The following MAGI3 variants were observed in gnomAD, a reference collection of about 807,000 sequenced individuals.
MAGI3 encodes membrane associated guanylate kinase, WW and PDZ domain containing 3, also known as membrane-associated guanylate kinase, WW and PDZ domain-containing protein 3.
MAGI3 carries 43 observed loss-of-function variants against 121.8 expected under a neutral mutation model. That is an observed-to-expected ratio of 0.35 (90% confidence interval 0.28 to 0.46). MAGI3 has a LOEUF of 0.46. MAGI3 is among the 20% of genes least tolerant of loss of function. The pLI, the probability that MAGI3 is intolerant of heterozygous loss-of-function variation, is 1.00. For synonymous variants in MAGI3, 553 were observed against 639.3 expected (o/e 0.86, Z 2.04); for missense variants, 1,547 against 1,797.3 (o/e 0.86, Z 2.52).
intron 16 of MAGI3, among the ~76,000 whole-genome samples, chr1:113,660,826 ACTC>A (rs1653752059): frequency 6.9e-6 from 1 of 145,922 alleles, no homozygotes; most frequent in South Asian, 2.2e-4. Context: ...CTGGTCTCGA[ACTC>A]CTGGGCTCAA....
intron 2 of MAGI3, among the ~76,000 whole-genome samples, chr1:113,560,035 A>G (rs1660158115): frequency 6.6e-6 from 1 of 152,198 alleles, no homozygotes; most frequent in Non-Finnish European, 1.5e-5. Flanking sequence ...CCCGATAGTT[A>G]TCTACAGAAC....
intron 1 of MAGI3, among the ~76,000 whole-genome samples, chr1:113,493,465 G>A (rs953268332): frequency 2.6e-5 from 4 of 152,134 alleles, no homozygotes; most frequent in African/African-American, 9.7e-5. Context: ...GGGCATAGGA[G>A]TGGGCAAATT....
chr1:113,618,206 A>G (rs899207894), intron 7 of MAGI3, among the ~76,000 whole-genome samples: 57 of 152,152 alleles, frequency 3.7e-4, no homozygotes, highest in African/African-American at 1.2e-3. Context: ...GCATGGTGGC[A>G]CACACCTGTG....
At position 113,571,763 on chromosome 1, in the gene MAGI3, A is replaced by T. The variant is rs780098342; in HGVS notation, c.434-8779A>T. 2.0e-5 allele frequency among the ~76,000 whole-genome samples: 3 copies of T among 152,320 alleles called. No homozygotes were observed. In the East Asian group the frequency reaches 5.8e-4, roughly 29 times the overall value. ...ATTTTTGTATCCTGAGACTTTCCTG[A>T]AGTTGCTTATCAGCTTAAGGAGTTT... On this transcript the variant is annotated intron_variant, in intron 2 of 20. Transcript: ENST00000307546.
In MAGI3 at chr1:113,682,905, G is replaced by A. The variant is rs764723747; in HGVS notation, c.3337G>A (p.Asp1113Asn). Residue 1113 changes from aspartate (D) to asparagine (N), a missense_variant, in exon 21 of 21, where the codon GAT becomes AAT. By Grantham distance (23) the Asp-to-Asn change is conservative. Transcript: ENST00000307546. ...TGLIPDHGDW[D>N]INNPSSSNVI... ...TCAAATCACTTTTTTAGGTGATTGG[G>A]ATATTAATAATCCTTCGTCTTCAAA... is the stretch of plus-strand genomic sequence containing the variant. 2 of 1,573,278 alleles carry A rather than the reference G, an allele frequency of 1.3e-6. No individual in the cohort carries two copies. Among genetic ancestry groups the A allele is most frequent in the South Asian group, 2.4e-5 (2 of 84,046 alleles).
rs570713137 is a variant in MAGI3 at position 113,631,712 on chromosome 1, G to A, written c.1360+8718G>A. Among the ~76,000 whole-genome samples the A allele has an allele frequency of 8.6e-5, 13 of 151,950 alleles. No individual in the cohort carries two copies. The South Asian group carries it at 1.0e-3, about 12-fold the overall frequency. Reference sequence around the variant, plus strand: ...TGGTATCAAATTATTAAATCTTGCCGTTTTTCCCAAGTTTGTTTGCTTCCT... The same window carrying A: ...TGGTATCAAATTATTAAATCTTGCCATTTTTCCCAAGTTTGTTTGCTTCCT... On this transcript the variant is annotated intron_variant, in intron 9 of 20. Transcript: ENST00000307546.
chr1:113,659,037 A>T (rs1419942868), intron 15 of MAGI3, 43 bp from the exon 16 acceptor site: 1 of 1,463,716 alleles, frequency 6.8e-7, no homozygotes, highest in Non-Finnish European at 9.3e-7. Context: ...ACACTAGCAG[A>T]AATCTTAAAT....
chr1:113,424,643 A>G (rs1374090249), intron 1 of MAGI3, among the ~76,000 whole-genome samples: 1 of 152,196 alleles, frequency 6.6e-6, no homozygotes, highest in Non-Finnish European at 1.5e-5. Flanking sequence ...CCAATTTTTC[A>G]TTACTGAGTA....
intron 16 of MAGI3, 41 bp downstream of exon 16, chr1:113,659,306 G>A: frequency 3.8e-6 from 6 of 1,599,890 alleles, no homozygotes; most frequent in Non-Finnish European, 5.1e-6. Flanking sequence ...GCTGATCTGA[G>A]AGGCACAAAG....
At chr1:113,423,711 C>T (rs577518914) in intron 1 of MAGI3, among the ~76,000 whole-genome samples, 6 of 152,304 alleles carry the variant, frequency 3.9e-5, no homozygotes, top group Admixed American at 2.0e-4. Context: ...TCTCAGACTC[C>T]ACCCGGTACT....
chr1:113,673,219 TGA>T, intron 18 of MAGI3, 101 bp from the exon 19 acceptor site: 1 of 1,338,418 alleles, frequency 7.5e-7, no homozygotes. Flanking sequence ...AAATGCACAT[TGA>T]GAGTATAAAT....
At chr1:113,655,538 T>C (rs1470981341) in intron 15 of MAGI3, among the ~76,000 whole-genome samples, 1 of 151,894 alleles carries the variant, frequency 6.6e-6, no homozygotes, top group Admixed American at 6.6e-5. Flanking sequence ...TATATATTGG[T>C]AAATTTTTAA....
rs755600338 is a variant in MAGI3 at position 113,651,092 on chromosome 1, A to G, written c.2326A>G (p.Ile776Val). ...RLRAADELMC[I>V]DGIPVKGKSH... ...CCGCGCAGCTGATGAACTAATGTGC[A>G]TTGATGGAATTCCTGTTAAAGGGAA... The change falls in exon 14 of 21, where the codon ATT (isoleucine) becomes GTT (valine). Residue 776 changes from isoleucine (I) to valine (V), a missense_variant. Physicochemically the swap from Ile to Val is conservative, Grantham distance 29. Transcript: ENST00000307546. 1.2e-5 allele frequency: 20 copies of G among 1,614,102 alleles called. No individual in the cohort carries two copies. The highest frequency in any genetic ancestry group is 1.5e-5 in the Non-Finnish European group (18 of 1,180,040).
At chr1:113,666,235 T>C (rs1454750710) in intron 16 of MAGI3, among the ~76,000 whole-genome samples, 1 of 152,218 alleles carries the variant, frequency 6.6e-6, no homozygotes, top group African/African-American at 2.4e-5. Context: ...CATTGACTCT[T>C]TCTTTCACCA....
chr1:113,439,347 T>C (rs1653799605), intron 1 of MAGI3, among the ~76,000 whole-genome samples: 1 of 152,226 alleles, frequency 6.6e-6, no homozygotes, highest in South Asian at 2.1e-4. Context: ...GGGACTACTG[T>C]ATTTCCAGAT....
chr1:113,505,865 G>C (rs911912133), intron 1 of MAGI3, among the ~76,000 whole-genome samples: 15 of 152,134 alleles, frequency 9.9e-5, no homozygotes, highest in African/African-American at 3.6e-4. Flanking sequence ...GTGAAAAGAT[G>C]AGTTCCAAAA....
chr1:113,646,631 A>T lies in MAGI3; in HGVS notation c.2144A>T (p.Tyr715Phe), dbSNP rs201381265. 6.3e-7 allele frequency: 1 copy of T among 1,592,998 alleles called. No homozygotes were observed. Among genetic ancestry groups the T allele is most frequent in the Non-Finnish European group, 8.5e-7 (1 of 1,172,202 alleles). Residue 715 changes from tyrosine (Y) to phenylalanine (F), a missense_variant, in exon 12 of 21, where the codon TAT (tyrosine) becomes TTT (phenylalanine). Tyr to Phe is a conservative substitution (Grantham distance 22). Coordinates refer to ENST00000307546, the MANE Select transcript of MAGI3 (RefSeq NM_001142782.2). The part of the protein sequence containing the change: ...SEVYLKSKTL[Y>F]EDKPPNTKDL... ...GTCTACCTGAAATCTAAGACTTTATATGAAGATAAACGTAAGTAGTTGTGG... is the reference window on the plus strand; with the variant it reads ...GTCTACCTGAAATCTAAGACTTTATTTGAAGATAAACGTAAGTAGTTGTGG...
At chr1:113,529,620 T>G (rs1465931684) in intron 1 of MAGI3, among the ~76,000 whole-genome samples, 1 of 152,160 alleles carries the variant, frequency 6.6e-6, no homozygotes, top group East Asian at 1.9e-4. Context: ...CTATCCTTAT[T>G]TTTTCTTCTA....
At chr1:113,413,555 G>C (rs547044209) in intron 1 of MAGI3, among the ~76,000 whole-genome samples, 1 of 151,900 alleles carries the variant, frequency 6.6e-6, no homozygotes, top group Non-Finnish European at 1.5e-5. Context: ...TAATTTCATC[G>C]AGCAGTGGTT....
Sources: allele counts gnomAD v4.1 joint callset (sites outside exome capture counted in the v4.1 genomes callset), GRCh38; gene constraint gnomAD v4.1.1; transcripts MANE v1.5; gene names NCBI Gene and HGNC (gene_info 2026-07-23, HGNC 2026-07-21).